The following SRD5A2 variants were observed in gnomAD, a reference collection of about 807,000 sequenced individuals.
SRD5A2 encodes 3-oxo-5-alpha-steroid 4-dehydrogenase 2.
Under a neutral mutation model 27.4 loss-of-function variants are expected in SRD5A2, and 30 were observed. That is an observed-to-expected ratio of 1.10 (90% CI 0.82 to 1.49). SRD5A2 has a LOEUF of 1.49. Among genes scored for constraint, SRD5A2 ranks in the 40% most tolerant of loss-of-function variants. The pLI, the probability that SRD5A2 is intolerant of heterozygous loss-of-function variation, is 0.00. For missense variants in SRD5A2, 348 were observed against 323.4 expected (o/e 1.08, Z -0.58); for synonymous variants, 141 against 133.6 (o/e 1.06, Z -0.38).
In SRD5A2 at chr2:31,580,886, G is replaced by A. The variant is rs1376240372; in HGVS notation, c.15C>T (p.Cys5=). The change falls in exon 1 of 5, where the codon TGC becomes TGT. Residue 5 remains cysteine (C), a synonymous_variant. Transcript: ENST00000622030. ...TGCCTGCCAGCACTGGGCTCTGCTG[G>A]CACTGAACCTGCATCGCGCCGTGTT... is the stretch of plus-strand genomic sequence containing the variant. MQVQ[C]QQSPVLAGSA... 2 of 1,604,924 alleles carry A rather than the reference G, an allele frequency of 1.2e-6. No individual in the cohort carries two copies. The highest frequency in any genetic ancestry group is 1.7e-6 in the Non-Finnish European group (2 of 1,175,634).
At chr2:31,573,073 C>A (rs1666884915) in intron 1 of SRD5A2, among the ~76,000 whole-genome samples, 1 of 152,136 alleles carries the variant, frequency 6.6e-6, no homozygotes. Flanking sequence ...CTTTTCCCAA[C>A]AGACATCATG....
the SRD5A2 span, among the ~76,000 whole-genome samples, chr2:31,587,604 G>T: frequency 6.6e-6 from 1 of 152,300 alleles, no homozygotes; most frequent in East Asian, 1.9e-4. Context: ...GCAGGGACAT[G>T]GATGAAGCTG....
chr2:31,590,755 G>T, the SRD5A2 span, among the ~76,000 whole-genome samples: 39 of 152,244 alleles, frequency 2.6e-4, no homozygotes, highest in Non-Finnish European at 5.3e-4. Context: ...GAACAGAACA[G>T]AGCCATCAGA....
the SRD5A2 span, among the ~76,000 whole-genome samples, chr2:31,612,409 TC>T: frequency 1.1e-3 from 166 of 152,152 alleles, no homozygotes; most frequent in Non-Finnish European, 2.1e-3. Context: ...TTTTAAAATC[TC>T]AATTACAATA....
the SRD5A2 span, among the ~76,000 whole-genome samples, chr2:31,600,896 T>C: frequency 6.6e-6 from 1 of 152,048 alleles, no homozygotes; most frequent in South Asian, 2.1e-4. Context: ...GATGCAAGGA[T>C]GGCTAAACAT....
intron 2 of SRD5A2, among the ~76,000 whole-genome samples, chr2:31,532,358 A>T (rs1342158382): frequency 7.0e-6 from 1 of 143,012 alleles, no homozygotes; most frequent in Non-Finnish European, 1.5e-5. Context: ...CATCACTGCC[A>T]GTTCACACAC....
chr2:31,563,018 C>T (rs924142886), intron 1 of SRD5A2: 27 of 152,252 alleles, frequency 1.8e-4, no homozygotes, highest in African/African-American at 6.5e-4. Flanking sequence ...AAGTTTCAAA[C>T]CAATCATTCA....
the SRD5A2 span, among the ~76,000 whole-genome samples, chr2:31,618,238 T>G: frequency 6.6e-6 from 1 of 152,154 alleles, no homozygotes; most frequent in African/African-American, 2.4e-5. Flanking sequence ...ACTGTCCCCA[T>G]GTTTCAATTA....
intron 1 of SRD5A2, among the ~76,000 whole-genome samples, chr2:31,572,026 T>G (rs1293710549): frequency 1.0e-5 from 1 of 99,172 alleles, no homozygotes; most frequent in Non-Finnish European, 2.0e-5. Flanking sequence ...GACACATGCA[T>G]GTGCATGCTC....
the SRD5A2 span, among the ~76,000 whole-genome samples, chr2:31,612,148 G>A: frequency 6.6e-6 from 1 of 152,018 alleles, no homozygotes; most frequent in African/African-American, 2.4e-5. Context: ...AGGTATGGTG[G>A]AACCTGCCTG....
chr2:31,560,189 C>T (rs894400268), intron 1 of SRD5A2, among the ~76,000 whole-genome samples: 4 of 151,970 alleles, frequency 2.6e-5, no homozygotes, highest in African/African-American at 9.7e-5. Flanking sequence ...AAGTCCTGGC[C>T]CTATATCCTC....
chr2:31,531,499 A>T (rs1161193103), intron 2 of SRD5A2, 27 bp from the exon 3 acceptor site: 14 of 1,498,498 alleles, frequency 9.3e-6, no homozygotes, highest in Admixed American at 3.9e-5. Context: ...GAAAGGAGAA[A>T]TTTTTTTTAA....
chr2:31,611,425 CAAAT>C, the SRD5A2 span, among the ~76,000 whole-genome samples: 1 of 152,134 alleles, frequency 6.6e-6, no homozygotes, highest in African/African-American at 2.4e-5. Context: ...AGATTAGAAA[CAAAT>C]ACTTACAATA....
At chr2:31,536,165 G>A (rs1478845990) in intron 1 of SRD5A2, among the ~76,000 whole-genome samples, 1 of 152,150 alleles carries the variant, frequency 6.6e-6, no homozygotes, top group Non-Finnish European at 1.5e-5. Flanking sequence ...CTTCTTAGAA[G>A]GAAAGGATCC....
In SRD5A2 at chr2:31,525,839, T is replaced by G; in HGVS notation, c.*357A>C. 1 of 259,450 alleles carries G rather than the reference T, an allele frequency of 3.9e-6. No homozygotes were observed. Among genetic ancestry groups the G allele is most frequent in the South Asian group, 1.4e-4 (1 of 7,218 alleles). The allele number at this position is 259,450 out of a possible 1,614,324, so 16.1% of individuals were successfully genotyped here. On this transcript the variant is annotated 3_prime_UTR_variant, in exon 5 of 5. Transcript: ENST00000622030. The stretch of plus-strand genomic sequence containing the variant: ...GCCTTCAAGTCAAAAAATTCTTGAT[T>G]ACAGAGTTGTCCTGCATTGACAGGG...
At chr2:31,595,176 C>G in the SRD5A2 span, among the ~76,000 whole-genome samples, 2 of 151,914 alleles carry the variant, frequency 1.3e-5, no homozygotes, top group Non-Finnish European at 2.9e-5. Flanking sequence ...CAAACAAAAC[C>G]CAAACCCAGC....
upstream of SRD5A2, among the ~76,000 whole-genome samples, chr2:31,584,916 G>C (rs1253386168): frequency 6.6e-6 from 1 of 152,260 alleles, no homozygotes; most frequent in Non-Finnish European, 1.5e-5. Context: ...TGCAGAAGGA[G>C]TCTTGAAGCA....
At chr2:31,594,763 C>A in the SRD5A2 span, among the ~76,000 whole-genome samples, 10 of 152,254 alleles carry the variant, frequency 6.6e-5, no homozygotes, top group East Asian at 1.7e-3. Context: ...ACATTCTTTT[C>A]ATCAGAACAT....
intron 1 of SRD5A2, among the ~76,000 whole-genome samples, chr2:31,549,004 T>C (rs939570851): frequency 2.6e-5 from 4 of 151,590 alleles, no homozygotes; most frequent in African/African-American, 4.8e-5. Flanking sequence ...GATTCACTTA[T>C]ATGAGGTAGT....
Sources: allele counts gnomAD v4.1 joint callset (sites outside exome capture counted in the v4.1 genomes callset), GRCh38; gene constraint gnomAD v4.1.1; transcripts MANE v1.5; gene names NCBI Gene and HGNC (gene_info 2026-07-23, HGNC 2026-07-21).